The following PAH variants were observed in gnomAD, a reference collection of about 807,000 sequenced individuals.
PAH encodes the protein phenylalanine hydroxylase.
Under a neutral mutation model 62.0 loss-of-function variants are expected in PAH, and 64 were observed. That is an observed-to-expected ratio of 1.03 (90% confidence interval 0.84 to 1.27). The LOEUF (loss-of-function observed/expected upper bound fraction) is 1.27. Ranked by LOEUF, PAH falls within the 50% of genes most tolerant of loss-of-function variation. The pLI is 0.00. For missense variants in PAH, 579 were observed against 542.8 expected (o/e 1.07, Z -0.66); for synonymous variants, 195 against 196.2 (o/e 0.99, Z 0.05).
At chr12:102,924,250 A>C (rs753572178) in intron 1 of PAH, among the ~76,000 whole-genome samples, 1 of 152,194 alleles carries the variant, frequency 6.6e-6, no homozygotes, top group Non-Finnish European at 1.5e-5. Flanking sequence ...GCAAAATGGG[A>C]TTCTCCATCT....
At chr12:102,917,415 C>T, upstream of PAH, 4 of 463,322 alleles carry the variant, frequency 8.6e-6, 1 homozygote, top group South Asian at 4.1e-5. Context: ...GGCACCACTT[C>T]GCTGCCCGCC....
At chr12:102,922,116 T>G (rs1241254018), upstream of PAH, among the ~76,000 whole-genome samples, 1 of 152,088 alleles carries the variant, frequency 6.6e-6, no homozygotes, top group Non-Finnish European at 1.5e-5. Context: ...CAAATATTTA[T>G]GATAGTGTAT....
intron 1 of PAH, among the ~76,000 whole-genome samples, chr12:102,929,263 T>C (rs1277293920): frequency 6.6e-6 from 1 of 152,146 alleles, no homozygotes; most frequent in African/African-American, 2.4e-5. Context: ...ATTAGTCAAA[T>C]CACAGGAATA....
chr12:102,920,537 T>G (rs1279753473), upstream of PAH, among the ~76,000 whole-genome samples: 1 of 152,208 alleles, frequency 6.6e-6, no homozygotes, highest in African/African-American at 2.4e-5. Flanking sequence ...GTGCAGAAGG[T>G]TGAGTTAATC....
chr12:102,912,730 A>T, intron 2 of PAH, 61 bp downstream of exon 2: 1 of 1,170,402 alleles, frequency 8.5e-7, no homozygotes, highest in African/African-American at 1.5e-5. Flanking sequence ...GCATCTAACT[A>T]GAAAAGAACA....
chr12:102,901,200 G>A (rs3847930), intron 2 of PAH, among the ~76,000 whole-genome samples: 122,169 of 152,100 alleles, frequency 0.8, 49,680 homozygotes, highest in East Asian at 0.99. Flanking sequence ...CATACTGGGC[G>A]CCCCGTCTCC....
chr12:102,906,295 A>G (rs1877974878), intron 2 of PAH, among the ~76,000 whole-genome samples: 2 of 152,142 alleles, frequency 1.3e-5, no homozygotes, highest in African/African-American at 4.8e-5. Flanking sequence ...TTGGAGAAAA[A>G]CTTTGTAGTT....
chr12:102,905,074 G>T (rs1343630196), intron 2 of PAH, among the ~76,000 whole-genome samples: 2 of 152,170 alleles, frequency 1.3e-5, no homozygotes, highest in Admixed American at 6.5e-5. Context: ...CGTGAAAGGG[G>T]TAAAGGAATA....
rs1001497783 is a variant in PAH, at chr12:102,957,884, A to G, written c.-96+311T>C. The stretch of plus-strand genomic sequence containing the variant: ...CGAGACGCGGCAGAGCGCGTTCAGC[A>G]CTGACTTTTGCTGCTGCTTCTGCTT... On this transcript the variant is annotated intron_variant, in intron 1 of 4. Transcript: ENST00000551337. This position sits in a 1 kb window ranked among gnomAD's most constrained non-coding sequence, Gnocchi z 4.1. 4 of 191,540 alleles carry G rather than the reference A, an allele frequency of 2.1e-5. No individual in the cohort carries two copies. The highest frequency in any genetic ancestry group is 4.7e-5 in the African/African-American group (2 of 42,882). 11.9% of individuals were successfully genotyped at this position (191,540 alleles called of 1,614,324 possible). A position where few individuals can be genotyped will look rare whatever the true frequency, so the allele number is the denominator to read the frequency against.
intron 3 of PAH, among the ~76,000 whole-genome samples, chr12:102,887,033 T>C (rs1343326838): frequency 2.0e-5 from 3 of 152,100 alleles, no homozygotes; most frequent in African/African-American, 4.8e-5. Flanking sequence ...AAGGGCCACA[T>C]AATTCATAAC....
At chr12:102,896,570 G>C (rs1033725282) in intron 2 of PAH, among the ~76,000 whole-genome samples, 12 of 152,174 alleles carry the variant, frequency 7.9e-5, no homozygotes, top group African/African-American at 2.9e-4. Flanking sequence ...CGTGAAGGTG[G>C]CTATGTCTAT....
chr12:102,895,400 G>A (rs1209520162), intron 2 of PAH, among the ~76,000 whole-genome samples: 2 of 152,174 alleles, frequency 1.3e-5, no homozygotes, highest in Admixed American at 6.5e-5. Context: ...GTACTTTCAT[G>A]TTTCCATTCC....
intron 1 of PAH, chr12:102,913,794 G>C: frequency 2.8e-6 from 2 of 701,976 alleles, no homozygotes; most frequent in Non-Finnish European, 5.2e-6. Flanking sequence ...CCAGGATCTA[G>C]CACTTACTAC....
intron 3 of PAH, among the ~76,000 whole-genome samples, chr12:102,887,937 G>A (rs1331175338): frequency 6.6e-6 from 1 of 152,070 alleles, no homozygotes; most frequent in Non-Finnish European, 1.5e-5. Context: ...CTTCAATTGA[G>A]AGAACACACC....
chr12:102,850,226 A>G (rs1325483313), intron 8 of PAH, among the ~76,000 whole-genome samples: 1 of 152,216 alleles, frequency 6.6e-6, no homozygotes, highest in Non-Finnish European at 1.5e-5. Flanking sequence ...TTAAAGTTCA[A>G]CTAATCCCGA....
intron 8 of PAH, among the ~76,000 whole-genome samples, chr12:102,849,943 C>A (rs578164949): frequency 2.4e-4 from 36 of 152,330 alleles, no homozygotes; most frequent in African/African-American, 8.7e-4. Context: ...GACACTGATG[C>A]CCCAAGAGCT....
chr12:102,879,777 C>T, intron 3 of PAH, among the ~76,000 whole-genome samples: 1 of 152,152 alleles, frequency 6.6e-6, no homozygotes, highest in East Asian at 1.9e-4. Flanking sequence ...TCTTGCCAAT[C>T]ATGGGAAGGT....
chr12:102,861,966 T>TAAA (rs71097947), intron 5 of PAH, among the ~76,000 whole-genome samples: 18,533 of 128,280 alleles, frequency 0.14, 1,378 homozygotes, highest in South Asian at 0.2. Context: ...ACTTAAAGTA[T>TAAA]AAAAAAAAAA....
intron 2 of PAH, among the ~76,000 whole-genome samples, chr12:102,907,936 T>G (rs1330625772): frequency 6.6e-6 from 1 of 152,042 alleles, no homozygotes; most frequent in Non-Finnish European, 1.5e-5. Flanking sequence ...GCACTTTGAG[T>G]GATTTTAACA....
Sources: gnomAD v4.1 joint callset for allele counts (sites outside exome capture counted in the v4.1 genomes callset) on GRCh38, gnomAD v4.1.1 for gene constraint, Gnocchi (gnomAD v3.1) non-coding constraint, MANE v1.5 for transcripts, NCBI Gene and HGNC (gene_info 2026-07-23, HGNC 2026-07-21) for gene names.